UTS2B: variants seen among roughly 807,000 people sequenced by gnomAD.
UTS2B encodes the protein urotensin-2B.
UTS2B carries 21 observed loss-of-function variants against 19.2 expected under a neutral mutation model. That is an observed-to-expected ratio of 1.09 (90% CI 0.78 to 1.58). The LOEUF (loss-of-function observed/expected upper bound fraction) is 1.58, where lower values mean the gene tolerates loss of function less well. Ranked by LOEUF, UTS2B falls within the 40% of genes most tolerant of loss-of-function variation. UTS2B has a pLI of 0.00. For missense variants in UTS2B, 138 were observed against 130.3 expected (o/e 1.06, Z -0.29); for synonymous variants, 57 against 50.2 (o/e 1.14, Z -0.58).
upstream of UTS2B, among the ~76,000 whole-genome samples, chr3:191,334,501 G>T (rs1718081278): frequency 6.6e-6 from 1 of 152,082 alleles, no homozygotes; most frequent in Non-Finnish European, 1.5e-5. Flanking sequence ...ACTGTTCTAG[G>T]CCAACTTCCT....
intron 4 of UTS2B, among the ~76,000 whole-genome samples, chr3:191,282,743 C>A (rs977274524): frequency 6.6e-6 from 1 of 152,096 alleles, no homozygotes; most frequent in African/African-American, 2.4e-5. Context: ...TCTTAACCAA[C>A]TGAATAAACT....
intron 4 of UTS2B, among the ~76,000 whole-genome samples, chr3:191,302,607 A>G (rs941704900): frequency 6.6e-6 from 1 of 152,180 alleles, no homozygotes; most frequent in Non-Finnish European, 1.5e-5. Context: ...CTGCCTGTAT[A>G]TGATTGTTTA....
intron 4 of UTS2B, among the ~76,000 whole-genome samples, chr3:191,295,157 C>T (rs2108588328): frequency 6.6e-6 from 1 of 152,124 alleles, no homozygotes; most frequent in African/African-American, 2.4e-5. Context: ...CCATCCCATT[C>T]AGGCCAAACT....
intron 4 of UTS2B, among the ~76,000 whole-genome samples, chr3:191,300,554 G>GAAGGGAT (rs1377360444): frequency 1.3e-5 from 2 of 152,234 alleles, no homozygotes; most frequent in African/African-American, 4.8e-5. Flanking sequence ...GGACTGCTGA[G>GAAGGGAT]AAGGGATGGC....
intron 5 of UTS2B, among the ~76,000 whole-genome samples, chr3:191,278,563 T>C (rs1210399069): frequency 1.3e-5 from 2 of 152,078 alleles, no homozygotes; most frequent in African/African-American, 2.4e-5. Flanking sequence ...TATTTTGTGA[T>C]TTTATCTGAT....
At chr3:191,315,540 T>G (rs896291708) in intron 3 of UTS2B, among the ~76,000 whole-genome samples, 4 of 152,230 alleles carry the variant, frequency 2.6e-5, no homozygotes, top group African/African-American at 4.8e-5. Flanking sequence ...CAGAACTAAT[T>G]GTTGCATGAT....
rs561567625 is a variant in UTS2B at position 191,271,444 on chromosome 3, A to G, written c.335-3003T>C. ...CCAATTAAAGCCTTCTTCCTTGGCA[A>G]TACTTGTCTCAGTGATCAGCTTTCT... On this transcript the variant is annotated intron_variant, in intron 8 of 8. Transcript: ENST00000340524. 2.0e-5 allele frequency among the ~76,000 whole-genome samples: 3 copies of G among 152,294 alleles called. No individual in the cohort carries two copies. In the South Asian group the frequency reaches 6.2e-4, roughly 32 times the overall value.
intron 1 of UTS2B, 170 bp from the exon 2 acceptor site, chr3:191,328,879 C>A (rs1486673928): frequency 1.3e-5 from 2 of 152,236 alleles, no homozygotes; most frequent in African/African-American, 4.8e-5. Context: ...TGATTGTGTA[C>A]ACACTCTACT....
intron 3 of UTS2B, among the ~76,000 whole-genome samples, chr3:191,306,613 G>A (rs1717147861): frequency 6.6e-6 from 1 of 152,132 alleles, no homozygotes; most frequent in African/African-American, 2.4e-5. Flanking sequence ...TTAAGGAGAG[G>A]AATGGTAACT....
chr3:191,336,136 T>G, the UTS2B span, among the ~76,000 whole-genome samples: 1 of 152,048 alleles, frequency 6.6e-6, no homozygotes, highest in Non-Finnish European at 1.5e-5. Context: ...ACAAGTGTTT[T>G]TTTTTTTTTT....
chr3:191,317,169 G>A (rs1250036011), intron 2 of UTS2B, among the ~76,000 whole-genome samples: 2 of 152,346 alleles, frequency 1.3e-5, no homozygotes, highest in African/African-American at 4.8e-5. Flanking sequence ...AGGCGGCTGA[G>A]GCCTGGAAAG....
intron 4 of UTS2B, among the ~76,000 whole-genome samples, chr3:191,300,726 C>G (rs958993948): frequency 5.3e-5 from 8 of 152,176 alleles, no homozygotes; most frequent in Admixed American, 2.0e-4. Context: ...TAGAATTCCC[C>G]CTTTGGGGCT....
intron 4 of UTS2B, among the ~76,000 whole-genome samples, chr3:191,295,941 T>C (rs1053490756): frequency 6.6e-6 from 1 of 152,220 alleles, no homozygotes; most frequent in Non-Finnish European, 1.5e-5. Context: ...AGAAGTCTCA[T>C]GTTCACTGTT....
chr3:191,329,526 C>CAAA, intron 1 of UTS2B: 1 of 699,142 alleles, frequency 1.4e-6, no homozygotes. Flanking sequence ...AGCCCCTGCC[C>CAAA]GCCCGACCCG....
intron 1 of UTS2B, chr3:191,329,629 G>A (rs1387774279): frequency 6.3e-7 from 1 of 1,586,358 alleles, no homozygotes; most frequent in Non-Finnish European, 8.6e-7. Context: ...CGCCGGCGGT[G>A]ACCGGGAAGC....
chr3:191,288,970 T>C (rs1160031584), intron 4 of UTS2B, among the ~76,000 whole-genome samples: 1 of 152,106 alleles, frequency 6.6e-6, no homozygotes, highest in Non-Finnish European at 1.5e-5. Flanking sequence ...CAGAAGTTAG[T>C]ATCCAAAATA....
At chr3:191,313,017 GTTT>G (rs34512583) in intron 3 of UTS2B, among the ~76,000 whole-genome samples, 2 of 143,848 alleles carry the variant, frequency 1.4e-5, no homozygotes, top group African/African-American at 2.6e-5. Flanking sequence ...TGTCAAACAG[GTTT>G]TTTTTTTTTT....
chr3:191,284,349 T>C (rs958084880), intron 4 of UTS2B, among the ~76,000 whole-genome samples: 2 of 151,604 alleles, frequency 1.3e-5, no homozygotes, highest in Non-Finnish European at 2.9e-5. Context: ...TAAGAAGGAG[T>C]CTCTCTCTGT....
chr3:191,297,781 A>G (rs1392744768), intron 4 of UTS2B, among the ~76,000 whole-genome samples: 2 of 152,262 alleles, frequency 1.3e-5, no homozygotes, highest in African/African-American at 4.8e-5. Context: ...TAATTATTTT[A>G]TCATCGATTA....
Sources: allele counts gnomAD v4.1 joint callset (sites outside exome capture counted in the v4.1 genomes callset), GRCh38; gene constraint gnomAD v4.1.1; transcripts MANE v1.5; gene names NCBI Gene and HGNC (gene_info 2026-07-23, HGNC 2026-07-21).